Variants in CD8B2 observed in about 807,000 individuals in gnomAD.
CD8B2 encodes the protein T-cell surface glycoprotein CD8 beta-2 chain.
CD8B2 carries 11 observed loss-of-function variants against 23.7 expected under a neutral mutation model. That is an observed-to-expected ratio of 0.46 (90% confidence interval 0.29 to 0.77). The LOEUF (loss-of-function observed/expected upper bound fraction) is 0.77, where lower values mean the gene tolerates loss of function less well. Ranked by LOEUF, CD8B2 falls within the 30% of genes least tolerant of loss-of-function variation. CD8B2 has a pLI of 0.09. For missense variants in CD8B2, 197 were observed against 270.5 expected, an observed-to-expected ratio of 0.73 and a Z score of 1.91; for synonymous variants, 90 against 109.3, an observed-to-expected ratio of 0.82 and a Z score of 1.10.
chr2:106,527,433 A>T (rs111383758), intron 5 of CD8B2, among the ~76,000 whole-genome samples: 6,830 of 152,244 alleles, frequency 0.045, 206 homozygotes, highest in Middle Eastern at 0.12. Context: ...AAGCAATCGA[A>T]TGTTGCCTTT....
chr2:106,518,588 T>G (rs1192204270), intron 5 of CD8B2, among the ~76,000 whole-genome samples: 2 of 152,190 alleles, frequency 1.3e-5, no homozygotes, highest in African/African-American at 4.8e-5. Flanking sequence ...CAATATTATT[T>G]TCTAGAAAAA....
At chr2:106,489,901 G>C (rs541717674) in intron 1 of CD8B2, among the ~76,000 whole-genome samples, 5 of 152,178 alleles carry the variant, frequency 3.3e-5, no homozygotes, top group Non-Finnish European at 5.9e-5. Flanking sequence ...ACGGCCAGAG[G>C]CTGGGTTCTG....
chr2:106,498,813 C>G (rs1221948255), intron 3 of CD8B2, among the ~76,000 whole-genome samples: 2 of 152,196 alleles, frequency 1.3e-5, no homozygotes, highest in Non-Finnish European at 2.9e-5. Context: ...GGCGTCCACA[C>G]AGACCTCAAA....
At chr2:106,499,840 A>G (rs1180666126) in intron 3 of CD8B2, among the ~76,000 whole-genome samples, 2 of 141,724 alleles carry the variant, frequency 1.4e-5, no homozygotes, top group African/African-American at 5.3e-5. Flanking sequence ...TCTTTCACTT[A>G]GCACCATGTT....
chr2:106,497,374 C>T, intron 3 of CD8B2, among the ~76,000 whole-genome samples: 1 of 152,226 alleles, frequency 6.6e-6, no homozygotes. Context: ...ATTTGCTTCT[C>T]TATGCTCCAC....
Position 106,506,918 on chromosome 2 carries a change from T to C in CD8B2, c.621-10T>C, listed in dbSNP as rs1679517916. On this transcript the variant is annotated splice_polypyrimidine_tract_variant and intron_variant, in intron 5 of 5. Coordinates refer to ENST00000643224, the MANE Select transcript of CD8B2 (RefSeq NM_001349727.2). ...AAATAAGTGGTTTCACAACTTGCTG[T>C]TGTTTTCAGATTTTACAAATGAGCA... The C allele has an allele frequency of 6.3e-7, 1 of 1,584,028 alleles. No individual in the cohort carries two copies. The highest frequency in any genetic ancestry group is 1.2e-5 in the South Asian group (1 of 86,604).
intron 5 of CD8B2, among the ~76,000 whole-genome samples, chr2:106,540,237 A>G (rs1436093828): frequency 6.6e-6 from 1 of 152,246 alleles, no homozygotes; most frequent in Non-Finnish European, 1.5e-5. Flanking sequence ...ATGTGGTCTC[A>G]AGATGAGTGT....
chr2:106,542,079 C>T (rs537077889), intron 5 of CD8B2, among the ~76,000 whole-genome samples: 12 of 152,370 alleles, frequency 7.9e-5, no homozygotes, highest in African/African-American at 2.6e-4. Flanking sequence ...CTGTCTGATA[C>T]GCCACTTGCC....
chr2:106,542,780 A>G (rs1680196540), intron 5 of CD8B2, among the ~76,000 whole-genome samples: 1 of 150,850 alleles, frequency 6.6e-6, no homozygotes, highest in Admixed American at 6.6e-5. Flanking sequence ...AAATAAATAT[A>G]AAAGTATATA....
At chr2:106,542,165 C>CT (rs1680184493) in intron 5 of CD8B2, among the ~76,000 whole-genome samples, 1 of 152,258 alleles carries the variant, frequency 6.6e-6, no homozygotes, top group South Asian at 2.1e-4. Context: ...TCCTCAGGGA[C>CT]TTCAGCCCTT....
chr2:106,514,752 T>TTGTG (rs10692298), downstream of CD8B2, among the ~76,000 whole-genome samples: 21,206 of 145,314 alleles, frequency 0.15, 1,679 homozygotes, highest in South Asian at 0.23. Flanking sequence ...GTTAAGACTT[T>TTGTG]TGTGTGTGTG....
chr2:106,521,833 C>T (rs1271075984), intron 5 of CD8B2: 1 of 152,246 alleles, frequency 6.6e-6, no homozygotes, highest in African/African-American at 2.4e-5. Flanking sequence ...TTCTCTGACA[C>T]TGTAGTTCTC....
At chr2:106,538,643 T>C (rs1323614044) in intron 5 of CD8B2, among the ~76,000 whole-genome samples, 2 of 152,132 alleles carry the variant, frequency 1.3e-5, no homozygotes, top group African/African-American at 4.8e-5. Flanking sequence ...CACCTCCTAC[T>C]CCCCAGATGT....
At chr2:106,524,902 C>T (rs892175605) in intron 5 of CD8B2, among the ~76,000 whole-genome samples, 4 of 152,152 alleles carry the variant, frequency 2.6e-5, no homozygotes, top group African/African-American at 7.2e-5. Context: ...ACGTCCCTCC[C>T]ATACGCAGCC....
chr2:106,543,723 CATG>C (rs1166257483), intron 5 of CD8B2, among the ~76,000 whole-genome samples: 1 of 152,068 alleles, frequency 6.6e-6, no homozygotes, highest in African/African-American at 2.4e-5. Flanking sequence ...CCTGTCAATC[CATG>C]ATGTAAATAT....
downstream of CD8B2, among the ~76,000 whole-genome samples, chr2:106,515,606 T>C (rs1002665876): frequency 2.0e-5 from 3 of 152,208 alleles, no homozygotes; most frequent in African/African-American, 7.2e-5. Context: ...ACTTTGATCG[T>C]GGCCTTCCCA....
At chr2:106,539,875 T>C (rs1238412330) in intron 5 of CD8B2, among the ~76,000 whole-genome samples, 2 of 152,240 alleles carry the variant, frequency 1.3e-5, no homozygotes, top group East Asian at 1.9e-4. Flanking sequence ...GCTAACTTAA[T>C]CACTGTTCCC....
At chr2:106,541,992 C>T (rs1402433107) in intron 5 of CD8B2, among the ~76,000 whole-genome samples, 2 of 152,204 alleles carry the variant, frequency 1.3e-5, no homozygotes, top group East Asian at 3.9e-4. Flanking sequence ...CACCGTTCCC[C>T]ATGGCTCAGC....
At chr2:106,490,116 G>T (rs6720190) in intron 1 of CD8B2, among the ~76,000 whole-genome samples, 7,409 of 151,978 alleles carry the variant, frequency 0.049, 200 homozygotes, top group Non-Finnish European at 0.065. Context: ...GTCCAGCAAC[G>T]GACAGACCAG....
Sources: allele counts gnomAD v4.1 joint callset (sites outside exome capture counted in the v4.1 genomes callset), GRCh38; gene constraint gnomAD v4.1.1; transcripts MANE v1.5; gene names NCBI Gene and HGNC (gene_info 2026-07-23, HGNC 2026-07-21).